Variants in RPRD1A observed in about 807,000 individuals in gnomAD.
RPRD1A encodes regulation of nuclear pre-mRNA domain-containing protein 1A.
A neutral mutation model predicts 37.8 loss-of-function variants in RPRD1A; 9 were observed. That is an observed-to-expected ratio of 0.24 (90% CI 0.14 to 0.42). The LOEUF (loss-of-function observed/expected upper bound fraction) is 0.42. RPRD1A is among the 10% of genes least tolerant of loss of function. The probability of loss-of-function intolerance (pLI) is 1.00; values close to 1 mark genes in which losing one functional copy is unlikely to be tolerated. For synonymous variants in RPRD1A, 138 were observed against 139.7 expected, an observed-to-expected ratio of 0.99 and a Z score of 0.08; for missense variants, 255 against 371.0, an observed-to-expected ratio of 0.69 and a Z score of 2.57.
rs1198164144 is a variant in RPRD1A, at chr18:36,033,734, T to C, written c.255A>G (p.Ile85Met). 9 of 1,613,170 alleles carry C rather than the reference T, an allele frequency of 5.6e-6. No individual in the cohort carries two copies. Among genetic ancestry groups the C allele is most frequent in the Non-Finnish European group, 5.1e-6 (6 of 1,179,516 alleles). The change falls in exon 2 of 7, where the codon ATA becomes ATG. Residue 85 changes from isoleucine (I) to methionine (M), a missense_variant. Coordinates refer to ENST00000399022, the MANE Select transcript of RPRD1A (RefSeq NM_018170.5). ...PEFTKDFAPV[I>M]VEAFKHVSSE... is the part of the protein sequence containing the mutation. ...TTGAAACATGCTTAAAAGCCTCCAC[T>C]ATAACTGGTGCAAAATCTTTTGTAA... is the stretch of plus-strand genomic sequence containing the variant.
At chr18:36,006,610 TCTTGAAA>T (rs375138397) in intron 6 of RPRD1A, among the ~76,000 whole-genome samples, 1 of 152,300 alleles carries the variant, frequency 6.6e-6, no homozygotes, top group East Asian at 1.9e-4. Context: ...ATTCTGAGAA[TCTTGAAA>T]CTAATAAGCT....
intron 6 of RPRD1A, among the ~76,000 whole-genome samples, chr18:36,020,565 G>A (rs1910928353): frequency 6.6e-6 from 1 of 152,172 alleles, no homozygotes. Context: ...ATCAATATGT[G>A]AGTGAAAAGT....
chr18:36,066,760 T>C (rs1401322381), intron 1 of RPRD1A, among the ~76,000 whole-genome samples: 1 of 152,230 alleles, frequency 6.6e-6, no homozygotes, highest in Non-Finnish European at 1.5e-5. Flanking sequence ...AATCTACAAA[T>C]TCAGAGTCTT....
At chr18:36,056,381 AG>A (rs1171028248) in intron 1 of RPRD1A, among the ~76,000 whole-genome samples, 3 of 151,788 alleles carry the variant, frequency 2.0e-5, no homozygotes, top group African/African-American at 4.8e-5. Flanking sequence ...TCCACCTCCC[AG>A]GTTCAAGCGA....
chr18:36,054,124 T>C (rs1470550190), intron 1 of RPRD1A, among the ~76,000 whole-genome samples: 1 of 152,184 alleles, frequency 6.6e-6, no homozygotes, highest in Admixed American at 6.5e-5. Context: ...AGCATATTTA[T>C]GACAGAAAGT....
chr18:36,045,175 G>A (rs1912866570), intron 1 of RPRD1A, among the ~76,000 whole-genome samples: 1 of 152,134 alleles, frequency 6.6e-6, no homozygotes, highest in African/African-American at 2.4e-5. Context: ...GGGAGGTGGA[G>A]GTTGCAGTGA....
intron 1 of RPRD1A, among the ~76,000 whole-genome samples, chr18:36,058,387 T>C (rs1186873644): frequency 6.6e-6 from 1 of 152,128 alleles, no homozygotes; most frequent in Non-Finnish European, 1.5e-5. Flanking sequence ...ACATTTTGAA[T>C]GAAAAATTTA....
chr18:35,989,866 T>C lies in RPRD1A; in HGVS notation c.*3285A>G, dbSNP rs904747392. ...ATAAAACTTTATTAAGAACATCTTA[T>C]ACTGTCATCAGATACAGCCAAAGAA... On this transcript the variant is annotated 3_prime_UTR_variant, in exon 7 of 7. Transcript: ENST00000399022. The C allele has an allele frequency of 6.6e-6, 1 of 152,246 alleles. No individual in the cohort carries two copies. Among genetic ancestry groups the C allele is most frequent in the African/African-American group, 2.4e-5 (1 of 41,466 alleles). The allele number at this position is 152,246 out of a possible 1,614,324, so 9.4% of individuals were successfully genotyped here.
intron 1 of RPRD1A, among the ~76,000 whole-genome samples, chr18:36,060,160 G>A (rs2088877525): frequency 6.6e-6 from 1 of 152,142 alleles, no homozygotes; most frequent in African/African-American, 2.4e-5. Context: ...GGCCGGGTGT[G>A]GTGGCTCGCG....
intron 1 of RPRD1A, among the ~76,000 whole-genome samples, chr18:36,055,071 T>C (rs1184160422): frequency 1.3e-5 from 2 of 152,220 alleles, no homozygotes; most frequent in African/African-American, 4.8e-5. Context: ...GCTGGCTGAA[T>C]GTCTGGACAT....
At chr18:36,014,871 C>T (rs1249284595) in intron 6 of RPRD1A, among the ~76,000 whole-genome samples, 2 of 151,916 alleles carry the variant, frequency 1.3e-5, no homozygotes, top group Non-Finnish European at 2.9e-5. Context: ...ATTAGGGAAA[C>T]GCAAATCAAA....
chr18:36,051,607 G>A (rs1048504937), intron 1 of RPRD1A, among the ~76,000 whole-genome samples: 3 of 152,086 alleles, frequency 2.0e-5, no homozygotes, highest in Admixed American at 2.0e-4. Context: ...TCAACACATA[G>A]TTATTGTGTC....
intron 4 of RPRD1A, among the ~76,000 whole-genome samples, chr18:36,029,064 T>C (rs906338079): frequency 1.3e-5 from 2 of 152,210 alleles, no homozygotes; most frequent in African/African-American, 4.8e-5. Context: ...ACATAAATCT[T>C]AGTGTTTGGT....
chr18:36,036,474 T>C (rs1331670012), intron 1 of RPRD1A, among the ~76,000 whole-genome samples: 1 of 152,192 alleles, frequency 6.6e-6, no homozygotes, highest in Non-Finnish European at 1.5e-5. Context: ...GATTTAAAAA[T>C]ATATTTACCA....
At chr18:36,048,919 T>C (rs1010039010) in intron 1 of RPRD1A, among the ~76,000 whole-genome samples, 6 of 152,228 alleles carry the variant, frequency 3.9e-5, no homozygotes, top group Non-Finnish European at 8.8e-5. Flanking sequence ...AGCTAATAAG[T>C]GCATTCAGCA....
At chr18:36,011,888 G>A (rs74490653) in intron 6 of RPRD1A, among the ~76,000 whole-genome samples, 4,964 of 152,228 alleles carry the variant, frequency 0.033, 116 homozygotes, top group Non-Finnish European at 0.046. Flanking sequence ...ATCAATCTTG[G>A]TCCAAAACTA....
rs116580727 is a variant in RPRD1A at position 36,000,904 on chromosome 18, A to G, written c.790-7604T>C. Among the ~76,000 whole-genome samples, 961 of 152,264 alleles carry G rather than the reference A, an allele frequency of 6.3e-3. 11 individuals carry two copies. Among genetic ancestry groups the G allele is most frequent in the African/African-American group, 0.022 (909 of 41,560 alleles). ...TCCTGGAATTATTTTGGGGGTGGGT[A>G]TTCTGAAGATGTTATCCAAATGAAA... On this transcript the variant is annotated intron_variant, in intron 6 of 6. Coordinates refer to ENST00000399022, the MANE Select transcript of RPRD1A (RefSeq NM_018170.5).
chr18:36,051,430 C>T (rs1913387968), intron 1 of RPRD1A, among the ~76,000 whole-genome samples: 1 of 152,124 alleles, frequency 6.6e-6, no homozygotes, highest in Non-Finnish European at 1.5e-5. Context: ...TCAGGTCTTT[C>T]TCAACCAAGA....
chr18:36,059,605 G>C (rs369671736), intron 1 of RPRD1A, among the ~76,000 whole-genome samples: 1 of 152,064 alleles, frequency 6.6e-6, no homozygotes, highest in African/African-American at 2.4e-5. Context: ...ATTTTTAAGA[G>C]TAAAGAGATC....
Sources: gnomAD v4.1 joint callset for allele counts (sites outside exome capture counted in the v4.1 genomes callset) on GRCh38, gnomAD v4.1.1 for gene constraint, MANE v1.5 for transcripts, NCBI Gene and HGNC (gene_info 2026-07-23, HGNC 2026-07-21) for gene names.